MED13: variants seen among roughly 807,000 people sequenced by gnomAD.
MED13 encodes the protein mediator complex subunit 13.
In MED13, 23 loss-of-function variants were observed where a neutral mutation model predicts 225.2. That is an observed-to-expected ratio of 0.10 (90% CI 0.07 to 0.14). The LOEUF is 0.14. Ranked by LOEUF, MED13 falls within the 10% of genes least tolerant of loss-of-function variation. The probability of loss-of-function intolerance (pLI) is 1.00; values close to 1 mark genes in which losing one functional copy is unlikely to be tolerated. For missense variants in MED13, 2,197 were observed against 2,594.5 expected (o/e 0.85, Z 3.33); for synonymous variants, 942 against 889.2 (o/e 1.06, Z -1.06).
At chr17:61,948,138 C>G (rs1385651186) in intron 28 of MED13, among the ~76,000 whole-genome samples, 2 of 151,976 alleles carry the variant, frequency 1.3e-5, no homozygotes, top group African/African-American at 4.8e-5. Context: ...TAGCTAACAA[C>G]CCATTATATT....
Position 61,962,792 on chromosome 17 carries a change from T to C in MED13, c.5024A>G (p.Gln1675Arg), listed in dbSNP as rs1603392309. The C allele has an allele frequency of 6.2e-7, 1 of 1,614,082 alleles. No homozygotes were observed. Among genetic ancestry groups the C allele is most frequent in the African/African-American group, 1.3e-5 (1 of 74,932 alleles). ...GLLRCFLEMV[Q>R]TLPPHIKSTV... The stretch of plus-strand genomic sequence containing the variant: ...ACTCTTGATATGAGGAGGAAGAGTC[T>C]GGACCATTTCTAGAAAGCATCGAAG... Residue 1675 changes from glutamine to arginine, a missense_variant, in exon 21 of 30, where the codon CAG becomes CGG. Gln to Arg is a conservative substitution (Grantham distance 43). Around this residue, in one of 12 missense-constraint regions of MED13, gnomAD observed 457 missense variants for 442.2 expected, o/e 1.03. Transcript: ENST00000397786.
At chr17:62,028,640 G>C (rs1371321021) in intron 8 of MED13, among the ~76,000 whole-genome samples, 1 of 151,308 alleles carries the variant, frequency 6.6e-6, no homozygotes, top group Non-Finnish European at 1.5e-5. Flanking sequence ...AGGAGATTGA[G>C]ACCATCCTGG....
chr17:62,062,455 C>G (rs1016006634), intron 2 of MED13, among the ~76,000 whole-genome samples: 1 of 151,848 alleles, frequency 6.6e-6, no homozygotes. Context: ...CAAGTTGGCA[C>G]TTTTCTCTTA....
chr17:61,987,909 A>AT lies in MED13; in HGVS notation c.2264-782dup, dbSNP rs531748116. On this transcript the variant is annotated intron_variant, in intron 11 of 29. Coordinates refer to ENST00000397786, the MANE Select transcript of MED13 (RefSeq NM_005121.3). ...AGGCACGTGACCCTATGCCCAGTTA[A>AT]TTTTTTTTTTTTTCCTCGAGTTGGG... Among the ~76,000 whole-genome samples, 265 of 144,968 alleles carry AT rather than the reference A, an allele frequency of 1.8e-3. 3 individuals are homozygous for AT. In the East Asian group the frequency reaches 0.019, roughly 10 times the overall value.
intron 8 of MED13, among the ~76,000 whole-genome samples, chr17:62,026,343 T>C (rs970845764): frequency 1.3e-5 from 2 of 152,168 alleles, no homozygotes; most frequent in Non-Finnish European, 2.9e-5. Flanking sequence ...TGTCATGCTT[T>C]GAGTTTTGCT....
chr17:62,029,473 G>A, intron 8 of MED13, 68 bp downstream of exon 8: 1 of 1,166,918 alleles, frequency 8.6e-7, no homozygotes, highest in Non-Finnish European at 1.3e-6. Context: ...CAAATAAAGT[G>A]GGCATAAGCA....
chr17:62,027,597 A>T (rs1333217512), intron 8 of MED13, among the ~76,000 whole-genome samples: 2 of 152,240 alleles, frequency 1.3e-5, no homozygotes, highest in Non-Finnish European at 2.9e-5. Flanking sequence ...TAATTAAACT[A>T]AAGAGCATTT....
chr17:62,036,465 A>G (rs922230352), intron 3 of MED13, among the ~76,000 whole-genome samples: 13 of 152,196 alleles, frequency 8.5e-5, no homozygotes, highest in Non-Finnish European at 1.3e-4. Context: ...GCAGAGGAGG[A>G]TAAGAGTGTA....
rs770991166 is a variant in MED13 at position 62,031,435 on chromosome 17, C to T, written c.1009+9G>A. ...TTACCAGAGCTGATGAGACAAATTACTGCTATACCTGTTTGGACTTCCTCA... is the reference window on the plus strand; with the variant it reads ...TTACCAGAGCTGATGAGACAAATTATTGCTATACCTGTTTGGACTTCCTCA... On this transcript the variant is annotated intron_variant, in intron 6 of 29. Coordinates refer to ENST00000397786, the MANE Select transcript of MED13 (RefSeq NM_005121.3). 5.1e-5 allele frequency: 80 copies of T among 1,575,330 alleles called. No homozygotes were observed. Among genetic ancestry groups the T allele is most frequent in the Middle Eastern group, 3.4e-4 (2 of 5,834 alleles).
At chr17:61,972,151 T>C (rs1427199879) in intron 17 of MED13, among the ~76,000 whole-genome samples, 1 of 152,124 alleles carries the variant, frequency 6.6e-6, no homozygotes, top group African/African-American at 2.4e-5. Flanking sequence ...TCCAAATATA[T>C]CTGAAAAACT....
In MED13 at chr17:61,955,793, T is replaced by G; in HGVS notation, c.5669A>C (p.Lys1890Thr). The G allele has an allele frequency of 6.2e-7, 1 of 1,606,714 alleles. No homozygotes were observed. The highest frequency in any genetic ancestry group is 8.5e-7 in the Non-Finnish European group (1 of 1,177,684). Reference sequence around the variant, plus strand: ...CATTCTACACATGTCTTTGAGCCTTTTACTTAGAGACTGCAAGTTTCGACG... The same window carrying G: ...CATTCTACACATGTCTTTGAGCCTTGTACTTAGAGACTGCAAGTTTCGACG... ...LSRRNLQSLS[K>T]RLKDMCRMCG... is the part of the protein sequence containing the mutation. Residue 1890 changes from lysine (K) to threonine (T), a missense_variant, in exon 25 of 30, where the codon AAA (lysine) becomes ACA (threonine). By Grantham distance (78) the Lys-to-Thr change is moderately conservative. Coordinates refer to ENST00000397786, the MANE Select transcript of MED13 (RefSeq NM_005121.3).
rs771201606 is a variant in MED13, at chr17:62,010,687, TTCA to T, written c.1827_1829del (p.Asp609del). 44 of 1,556,452 alleles carry T rather than the reference TTCA, an allele frequency of 2.8e-5. No homozygotes were observed. The highest frequency in any genetic ancestry group is 3.8e-5 in the Non-Finnish European group (44 of 1,150,900). On this transcript the variant is annotated inframe_deletion, in exon 9 of 30. Coordinates refer to ENST00000397786, the MANE Select transcript of MED13 (RefSeq NM_005121.3). Reference sequence around the variant, plus strand: ...TGTAATACTTCCAGGCTATATTGGCTTCATCTTCTTCCAAGTTTACTGCTGTAC... The same window carrying T: ...TGTAATACTTCCAGGCTATATTGGCTTCTTCTTCCAAGTTTACTGCTGTAC...
chr17:62,046,937 C>A (rs952438138), intron 3 of MED13, among the ~76,000 whole-genome samples: 1 of 151,700 alleles, frequency 6.6e-6, no homozygotes, highest in Non-Finnish European at 1.5e-5. Context: ...CTCAATGCAG[C>A]CTCAATCTTC....
chr17:61,993,966 C>T (rs745713998), intron 10 of MED13, among the ~76,000 whole-genome samples: 10 of 151,488 alleles, frequency 6.6e-5, no homozygotes, highest in Non-Finnish European at 1.0e-4. Flanking sequence ...AAAACTCACA[C>T]GTATTATTGG....
chr17:61,987,781 GCT>G, intron 11 of MED13, among the ~76,000 whole-genome samples: 1 of 151,714 alleles, frequency 6.6e-6, no homozygotes, highest in East Asian at 1.9e-4. Flanking sequence ...ACGGGGTCTC[GCT>G]CTGTCACCAC....
chr17:61,961,715 T>A lies in MED13; in HGVS notation c.5129A>T (p.His1710Leu), dbSNP rs746409040. The change falls in exon 22 of 30, where the codon CAT becomes CTT. Residue 1710 changes from histidine (H) to leucine (L), a missense_variant. Transcript: ENST00000397786. ...KHEDREIYPQ[H>L]LKSLAFSAFT... ...GGCCGAAAAAGCCAGGGATTTTAAA[T>A]GCTGGGGATAGATTTCTCTATCTTC... 1 of 1,614,082 alleles carries A rather than the reference T, an allele frequency of 6.2e-7. No homozygotes were observed. The highest frequency in any genetic ancestry group is 8.5e-7 in the Non-Finnish European group (1 of 1,179,984).
At chr17:62,033,638 G>C (rs1168748068) in intron 5 of MED13, 149 bp downstream of exon 5, 1 of 716,422 alleles carries the variant, frequency 1.4e-6, no homozygotes, top group Non-Finnish European at 2.3e-6. Context: ...CTAAGATGCA[G>C]CCCTTAAGTA....
chr17:61,944,497 C>CATTAGA lies in MED13; in HGVS notation c.*1965_*1970dup, dbSNP rs1454935324. ...AAATTTAATATCAAAATATGCTGAC[C>CATTAGA]ATTAGAACTGCATTATAATTTTGAA... is the stretch of plus-strand genomic sequence containing the variant. On this transcript the variant is annotated 3_prime_UTR_variant, in exon 30 of 30. Coordinates refer to ENST00000397786, the MANE Select transcript of MED13 (RefSeq NM_005121.3). 2.0e-5 allele frequency: 3 copies of CATTAGA among 151,440 alleles called. No individual in the cohort carries two copies. The highest frequency in any genetic ancestry group is 4.4e-5 in the Non-Finnish European group (3 of 67,942). The allele number at this position is 151,440 out of a possible 1,614,324, so 9.4% of individuals were successfully genotyped here.
chr17:62,011,039 G>A lies in MED13; in HGVS notation c.1478C>T (p.Ala493Val), dbSNP rs1277242802. 1.9e-6 allele frequency: 3 copies of A among 1,614,146 alleles called. No individual in the cohort carries two copies. The highest frequency in any genetic ancestry group is 3.3e-5 in the Admixed American group (2 of 60,010). ...AGCAGAGATCACAAGTCTTTGGCTG[G>A]CTGAATCTGCGTCCATGCCAACATC... is the stretch of plus-strand genomic sequence containing the variant. Reference protein sequence around the residue: ...SDDVGMDADSASQRLVISAPD... With the variant: ...SDDVGMDADSVSQRLVISAPD... Residue 493 changes from alanine (A) to valine (V), a missense_variant, in exon 9 of 30, where the codon GCC becomes GTC. Physicochemically the swap from Ala to Val is moderately conservative, Grantham distance 64. This residue lies in a region of MED13 where 884 missense variants were observed against 918.5 expected (regional missense o/e 0.96). Transcript: ENST00000397786.
Sources: allele counts gnomAD v4.1 joint callset (sites outside exome capture counted in the v4.1 genomes callset), GRCh38; gene constraint gnomAD v4.1.1; regional missense constraint gnomAD v4.1.1; transcripts MANE v1.5; gene names NCBI Gene and HGNC (gene_info 2026-07-23, HGNC 2026-07-21).